COL14A1: variants seen among roughly 807,000 people sequenced by gnomAD.
COL14A1 encodes the protein collagen type XIV alpha 1 chain.
A neutral mutation model predicts 230.3 loss-of-function variants in COL14A1; 136 were observed. The observed-to-expected ratio is 0.59, with a 90% CI of 0.51 to 0.68. COL14A1 has a LOEUF of 0.68. Ranked by LOEUF, COL14A1 falls within the 30% of genes least tolerant of loss-of-function variation. The pLI is 0.00. For missense variants in COL14A1, 1,976 were observed against 2,215.8 expected (o/e 0.89, Z 2.17); for synonymous variants, 792 against 784.1 (o/e 1.01, Z -0.17).
chr8:120,367,027 A>T, intron 45 of COL14A1, 144 bp from the exon 46 acceptor site: 1 of 578,538 alleles, frequency 1.7e-6, no homozygotes, highest in Non-Finnish European at 3.1e-6. Flanking sequence ...AATGTAATTT[A>T]AAAGTCCCAT....
chr8:120,162,578 T>C lies in COL14A1; in HGVS notation c.349+9T>C, dbSNP rs1296757678. Reference sequence around the variant, plus strand: ...TCAAGGCCAATTCAGAAGTACGTATTTACAGTTCTCAAAGCACCTCCGCAG... The same window carrying C: ...TCAAGGCCAATTCAGAAGTACGTATCTACAGTTCTCAAAGCACCTCCGCAG... On this transcript the variant is annotated intron_variant, in intron 4 of 47. Coordinates refer to ENST00000297848, the MANE Select transcript of COL14A1 (RefSeq NM_021110.4). The C allele has an allele frequency of 6.3e-7, 1 of 1,596,800 alleles. No homozygotes were observed. The highest frequency in any genetic ancestry group is 1.8e-5 in the Admixed American group (1 of 56,892).
At chr8:120,216,021 A>G (rs2130776628) in intron 13 of COL14A1, among the ~76,000 whole-genome samples, 1 of 152,304 alleles carries the variant, frequency 6.6e-6, no homozygotes, top group African/African-American at 2.4e-5. Context: ...CTAAAATTTT[A>G]TTTCAAGTTA....
intron 40 of COL14A1, among the ~76,000 whole-genome samples, chr8:120,322,050 T>G (rs1821469922): frequency 6.6e-6 from 1 of 152,238 alleles, no homozygotes; most frequent in South Asian, 2.1e-4. Context: ...CACTGCAGGT[T>G]ACTAAAAATG....
intron 44 of COL14A1, among the ~76,000 whole-genome samples, chr8:120,344,380 T>A (rs1375373307): frequency 6.6e-6 from 1 of 152,222 alleles, no homozygotes; most frequent in African/African-American, 2.4e-5. Flanking sequence ...TGATCAGAAT[T>A]ATGCTAGGAA....
intron 14 of COL14A1, among the ~76,000 whole-genome samples, chr8:120,224,751 A>C (rs1474910938): frequency 6.6e-6 from 1 of 152,224 alleles, no homozygotes; most frequent in African/African-American, 2.4e-5. Context: ...CTATGGGGCC[A>C]GGAGAGCCCA....
intron 36 of COL14A1, among the ~76,000 whole-genome samples, chr8:120,305,226 T>C (rs7839367): frequency 0.52 from 78,654 of 151,640 alleles, 21,549 homozygotes; most frequent in African/African-American, 0.71. Context: ...GTGATCTGCC[T>C]GCCTCGGCCT....
chr8:120,307,228 G>C (rs1252515464), intron 36 of COL14A1, among the ~76,000 whole-genome samples: 1 of 152,142 alleles, frequency 6.6e-6, no homozygotes, highest in East Asian at 1.9e-4. Context: ...GGGATGAAAG[G>C]GAAAAGGGGG....
intron 5 of COL14A1, among the ~76,000 whole-genome samples, chr8:120,176,511 C>T (rs1025059843): frequency 1.3e-5 from 2 of 152,170 alleles, no homozygotes; most frequent in Non-Finnish European, 2.9e-5. Flanking sequence ...AATTTTAACA[C>T]CTTTCCACTA....
intron 5 of COL14A1, among the ~76,000 whole-genome samples, chr8:120,189,851 A>G (rs1816761760): frequency 6.6e-6 from 1 of 152,042 alleles, no homozygotes; most frequent in Non-Finnish European, 1.5e-5. Flanking sequence ...TCCATGATGT[A>G]TATGTGCCAC....
chr8:120,346,913 T>A (rs780628224), intron 45 of COL14A1, among the ~76,000 whole-genome samples: 2 of 152,242 alleles, frequency 1.3e-5, no homozygotes, highest in Non-Finnish European at 2.9e-5. Context: ...GACCCAGTTC[T>A]GATTTTTCTT....
At chr8:120,181,728 C>T (rs1816470376) in intron 5 of COL14A1, among the ~76,000 whole-genome samples, 1 of 152,112 alleles carries the variant, frequency 6.6e-6, no homozygotes, top group African/African-American at 2.4e-5. Flanking sequence ...GCCCCTTTCT[C>T]CCCTCACTTC....
At chr8:120,361,810 C>T (rs962098004) in intron 45 of COL14A1, among the ~76,000 whole-genome samples, 6 of 151,868 alleles carry the variant, frequency 4.0e-5, no homozygotes, top group African/African-American at 7.3e-5. Flanking sequence ...GTGGTGTGGT[C>T]GGGGGGGCCA....
Position 120,168,739 on chromosome 8 carries a change from C to T in COL14A1, c.436+492C>T, listed in dbSNP as rs73321641. Among the ~76,000 whole-genome samples the T allele has an allele frequency of 8.2e-3, 1,250 of 152,286 alleles. 22 individuals carry two copies. Among genetic ancestry groups the T allele is most frequent in the African/African-American group, 0.029 (1,211 of 41,564 alleles). On this transcript the variant is annotated intron_variant, in intron 5 of 47. Coordinates refer to ENST00000297848, the MANE Select transcript of COL14A1 (RefSeq NM_021110.4). The stretch of plus-strand genomic sequence containing the variant: ...AAAATGCGTTGATATGTGTAAAATA[C>T]TTAGAACTTTGCCTGCCATTGAATA...
chr8:120,273,701 T>A (rs1819746207), intron 26 of COL14A1, among the ~76,000 whole-genome samples: 1 of 150,950 alleles, frequency 6.6e-6, no homozygotes, highest in African/African-American at 2.4e-5. Flanking sequence ...AGGAAATGGA[T>A]AAATTCCTGG....
intron 44 of COL14A1, among the ~76,000 whole-genome samples, chr8:120,343,662 C>T (rs1310717012): frequency 6.6e-6 from 1 of 152,020 alleles, no homozygotes; most frequent in East Asian, 1.9e-4. Context: ...GTTATATTGC[C>T]CAAACTATGT....
At chr8:120,183,805 A>G (rs1050848424) in intron 5 of COL14A1, among the ~76,000 whole-genome samples, 2 of 152,164 alleles carry the variant, frequency 1.3e-5, no homozygotes, top group African/African-American at 4.8e-5. Context: ...ATTTCCTGCT[A>G]TCTTTAATTG....
At chr8:120,288,847 G>A (rs1002935015) in intron 33 of COL14A1, among the ~76,000 whole-genome samples, 3 of 152,126 alleles carry the variant, frequency 2.0e-5, no homozygotes, top group African/African-American at 7.2e-5. Flanking sequence ...TGTAGTACTC[G>A]TGAGGTTAAT....
intron 6 of COL14A1, among the ~76,000 whole-genome samples, 161 bp from the exon 7 acceptor site, chr8:120,197,650 A>C (rs1318626068): frequency 6.6e-6 from 1 of 152,136 alleles, no homozygotes; most frequent in Non-Finnish European, 1.5e-5. Context: ...TGATTCCTTT[A>C]ATTGATCTTA....
At chr8:120,295,984 G>A (rs980134185) in intron 34 of COL14A1, among the ~76,000 whole-genome samples, 3 of 151,848 alleles carry the variant, frequency 2.0e-5, no homozygotes, top group African/African-American at 4.8e-5. Context: ...ATAAAAATAA[G>A]CTATAATGTA....
Sources: allele counts gnomAD v4.1 joint callset (sites outside exome capture counted in the v4.1 genomes callset), GRCh38; gene constraint gnomAD v4.1.1; transcripts MANE v1.5; gene names NCBI Gene and HGNC (gene_info 2026-07-23, HGNC 2026-07-21).